Variants in FANCL observed in about 807,000 individuals in gnomAD.
FANCL encodes the protein E3 ubiquitin-protein ligase FANCL.
Under a neutral mutation model 59.4 loss-of-function variants are expected in FANCL, and 69 were observed. The observed-to-expected ratio is 1.16, with a 90% CI of 0.96 to 1.42. FANCL has a LOEUF of 1.42. Ranked by LOEUF, FANCL falls within the 40% of genes most tolerant of loss-of-function variation. FANCL has a pLI of 0.00. For synonymous variants in FANCL, 180 were observed against 147.1 expected, an observed-to-expected ratio of 1.22 and a Z score of -1.62; for missense variants, 519 against 447.2, an observed-to-expected ratio of 1.16 and a Z score of -1.45.
chr2:58,171,959 G>T (rs149593945), intron 7 of FANCL, among the ~76,000 whole-genome samples: 20 of 152,290 alleles, frequency 1.3e-4, no homozygotes, highest in African/African-American at 2.4e-4. Flanking sequence ...ATTACATCCC[G>T]CTTGGAGAGT....
chr2:58,176,497 G>A (rs541416979), intron 7 of FANCL, among the ~76,000 whole-genome samples: 26 of 152,128 alleles, frequency 1.7e-4, no homozygotes, highest in African/African-American at 3.1e-4. Context: ...CTACCTGATC[G>A]TTGACAAACC....
chr2:58,186,584 T>C (rs1688423929), intron 7 of FANCL, among the ~76,000 whole-genome samples: 1 of 152,196 alleles, frequency 6.6e-6, no homozygotes, highest in African/African-American at 2.4e-5. Context: ...AGAATTCCTG[T>C]CCAAGAACCA....
At chr2:58,184,553 C>G (rs1286363457) in intron 7 of FANCL, among the ~76,000 whole-genome samples, 3 of 151,910 alleles carry the variant, frequency 2.0e-5, no homozygotes, top group Non-Finnish European at 4.4e-5. Flanking sequence ...AAGCAAAATG[C>G]CGTCTGTTTT....
At chr2:58,193,958 G>T (rs927434160) in intron 7 of FANCL, among the ~76,000 whole-genome samples, 6 of 152,028 alleles carry the variant, frequency 3.9e-5, no homozygotes, top group Non-Finnish European at 7.4e-5. Context: ...CCAAATGCTA[G>T]TATACTGCTC....
At chr2:58,212,007 T>G (rs1487573335) in intron 5 of FANCL, among the ~76,000 whole-genome samples, 2 of 152,206 alleles carry the variant, frequency 1.3e-5, no homozygotes. Flanking sequence ...CCAAAGTCGC[T>G]TCCACATTTT....
At chr2:58,159,959 G>GTT (rs2104766844) in intron 13 of FANCL, 149 bp downstream of exon 13, 2 of 1,525,480 alleles carry the variant, frequency 1.3e-6, no homozygotes, top group African/African-American at 2.8e-5. Flanking sequence ...GGAGTTTAAT[G>GTT]TTTTTGATCA....
At chr2:58,212,843 G>A (rs953955048) in intron 5 of FANCL, among the ~76,000 whole-genome samples, 3 of 152,068 alleles carry the variant, frequency 2.0e-5, no homozygotes, top group African/African-American at 7.2e-5. Context: ...ATTGAAATAA[G>A]AACAGAAATT....
chr2:58,162,877 G>A lies in FANCL; in HGVS notation c.892C>T (p.Leu298=). 1 of 1,611,894 alleles carries A rather than the reference G, an allele frequency of 6.2e-7. No individual in the cohort carries two copies. The highest frequency in any genetic ancestry group is 8.5e-7 in the Non-Finnish European group (1 of 1,178,558). ...LEIDFPARAI[L]EKSDFTMDCG... is the part of the protein sequence containing the mutation. ...CTGATAAAACTTACAGATTTTTCCA[G>A]GATAGCACGAGCTGGAAAATCAATT... Residue 298 remains leucine, a synonymous_variant, in exon 11 of 14, where the codon CTG becomes TTG. Transcript: ENST00000233741.
chr2:58,226,857 T>G (rs1693057348), intron 3 of FANCL, 73 bp from the exon 4 acceptor site: 3 of 1,246,390 alleles, frequency 2.4e-6, no homozygotes, highest in South Asian at 2.5e-5. Flanking sequence ...TAAAAAAATG[T>G]AGGCCCAAGT....
chr2:58,194,121 G>C (rs1268720867), intron 7 of FANCL: 1 of 423,500 alleles, frequency 2.4e-6, no homozygotes, highest in East Asian at 7.2e-5. Context: ...AGATTTCCAT[G>C]ATAAAAAAAT....
intron 3 of FANCL, among the ~76,000 whole-genome samples, chr2:58,228,799 G>T (rs1693290297): frequency 6.6e-6 from 1 of 152,122 alleles, no homozygotes; most frequent in Non-Finnish European, 1.5e-5. Flanking sequence ...ATAAATAATT[G>T]GGATTTTTTT....
intron 8 of FANCL, among the ~76,000 whole-genome samples, chr2:58,163,812 G>A (rs1174144128): frequency 6.6e-6 from 1 of 151,964 alleles, no homozygotes; most frequent in Non-Finnish European, 1.5e-5. Flanking sequence ...TCTGTGGAGT[G>A]ATAAAGGTCT....
At chr2:58,201,603 T>G (rs1256358504) in intron 6 of FANCL, among the ~76,000 whole-genome samples, 2 of 152,050 alleles carry the variant, frequency 1.3e-5, no homozygotes, top group African/African-American at 4.8e-5. Context: ...GTACTGATCT[T>G]GATTGACCAA....
At chr2:58,175,091 T>A (rs920392677) in intron 7 of FANCL, among the ~76,000 whole-genome samples, 1 of 150,162 alleles carries the variant, frequency 6.7e-6, no homozygotes, top group African/African-American at 2.5e-5. Context: ...CAGGAAGAAG[T>A]TGAATCTCTG....
At position 58,235,482 on chromosome 2, in the gene FANCL, T is replaced by C. The variant is rs183243430; in HGVS notation, c.97-3370A>G. Among the ~76,000 whole-genome samples the C allele has an allele frequency of 8.5e-5, 13 of 152,222 alleles. No individual in the cohort carries two copies. In the East Asian group the frequency reaches 2.5e-3, roughly 29 times the overall value. On this transcript the variant is annotated intron_variant, in intron 1 of 13. Transcript: ENST00000233741. ...GGTCTACCTAGCAATGCTTAAAAGC[T>C]TAAAGCTTAAAATTACTTGGAAAGA...
intron 1 of FANCL, among the ~76,000 whole-genome samples, chr2:58,239,847 T>A (rs1694351168): frequency 6.6e-6 from 1 of 152,216 alleles, no homozygotes; most frequent in Non-Finnish European, 1.5e-5. Context: ...AAGGGTATAC[T>A]GGAATTACTT....
intron 7 of FANCL, among the ~76,000 whole-genome samples, chr2:58,180,176 G>T (rs1407335335): frequency 6.6e-6 from 1 of 152,144 alleles, no homozygotes; most frequent in Non-Finnish European, 1.5e-5. Context: ...ATTCCTCAAG[G>T]ATCTAGAAGC....
At chr2:58,224,592 T>C (rs1015831938) in intron 4 of FANCL, among the ~76,000 whole-genome samples, 16 of 152,028 alleles carry the variant, frequency 1.1e-4, no homozygotes, top group African/African-American at 3.6e-4. Context: ...GTTATCAATA[T>C]GTAGTAGCTG....
At chr2:58,198,551 A>G (rs764561595) in intron 7 of FANCL, 43 bp downstream of exon 7, 1 of 1,545,382 alleles carries the variant, frequency 6.5e-7, no homozygotes, top group East Asian at 2.2e-5. Flanking sequence ...GTACTTTTTA[A>G]TTACTTAAAA....
Sources: allele counts gnomAD v4.1 joint callset (sites outside exome capture counted in the v4.1 genomes callset), GRCh38; gene constraint gnomAD v4.1.1; transcripts MANE v1.5; gene names NCBI Gene and HGNC (gene_info 2026-07-23, HGNC 2026-07-21).